CCDC63: variants seen among roughly 807,000 people sequenced by gnomAD.
CCDC63 encodes the protein coiled-coil domain-containing protein 63.
Under a neutral mutation model 63.6 loss-of-function variants are expected in CCDC63, and 54 were observed. That is an observed-to-expected ratio of 0.85 (90% CI 0.68 to 1.07). The LOEUF is 1.07. CCDC63 is among the 50% of genes least tolerant of loss of function. CCDC63 has a pLI of 0.00. For missense variants in CCDC63, 637 were observed against 689.6 expected, an observed-to-expected ratio of 0.92 and a Z score of 0.86; for synonymous variants, 253 against 266.1, an observed-to-expected ratio of 0.95 and a Z score of 0.48.
chr12:110,864,604 G>A (rs945205304), intron 4 of CCDC63, among the ~76,000 whole-genome samples: 2 of 151,836 alleles, frequency 1.3e-5, no homozygotes, highest in African/African-American at 4.8e-5. Context: ...CTACTTGGGA[G>A]GCTGAGGCAG....
rs1398229258 is a variant in CCDC63 at position 110,852,934 on chromosome 12, G to A, written c.-21G>A. 1 of 1,614,002 alleles carries A rather than the reference G, an allele frequency of 6.2e-7. No individual in the cohort carries two copies. Among genetic ancestry groups the A allele is most frequent in the Admixed American group, 1.7e-5 (1 of 59,990 alleles). ...CTCTGGGTACAGTGTCTGAGTGGAG[G>A]CAAAGTGCGGTTCCTTCAAGATGTC... On this transcript the variant is annotated 5_prime_UTR_variant, in exon 2 of 12. Coordinates refer to ENST00000308208, the MANE Select transcript of CCDC63 (RefSeq NM_152591.3).
intron 4 of CCDC63, among the ~76,000 whole-genome samples, chr12:110,862,809 G>A (rs2070875572): frequency 6.6e-6 from 1 of 151,180 alleles, no homozygotes; most frequent in Admixed American, 6.6e-5. Context: ...AGACTGGAGT[G>A]CAGTGGTGTG....
At chr12:110,867,267 A>G (rs1221562040) in intron 4 of CCDC63, among the ~76,000 whole-genome samples, 8 of 67,534 alleles carry the variant, frequency 1.2e-4, no homozygotes, top group South Asian at 6.4e-4. Flanking sequence ...CTGGCCGGGC[A>G]GAGGGGCTCC....
chr12:110,907,303 A>C lies in CCDC63; in HGVS notation c.1547-28A>C. Reference sequence around the variant, plus strand: ...CCAGCCCTGGGGTTGATTTCCCAGCACCTCACACAAATCTGATCTTGGTGC... The same window carrying C: ...CCAGCCCTGGGGTTGATTTCCCAGCCCCTCACACAAATCTGATCTTGGTGC... On this transcript the variant is annotated intron_variant, in intron 11 of 11. Transcript: ENST00000308208. The surrounding 1 kb of genome is among the most constrained non-coding windows in gnomAD (Gnocchi z 4.4). 6.2e-7 allele frequency: 1 copy of C among 1,606,692 alleles called. No homozygotes were observed. The highest frequency in any genetic ancestry group is 8.5e-7 in the Non-Finnish European group (1 of 1,176,206).
chr12:110,853,270 C>G (rs1237890494), intron 2 of CCDC63, 135 bp from the exon 3 acceptor site: 7 of 857,466 alleles, frequency 8.2e-6, no homozygotes, highest in African/African-American at 1.7e-5. Context: ...AAGCAGCTGA[C>G]ATCACCCAAG....
intron 4 of CCDC63, among the ~76,000 whole-genome samples, chr12:110,862,904 C>T (rs1310314821): frequency 4.6e-5 from 7 of 151,950 alleles, no homozygotes; most frequent in South Asian, 2.1e-4. Flanking sequence ...TACAGGCACC[C>T]GCCACCATGC....
chr12:110,882,640 G>A (rs540223596), intron 7 of CCDC63, among the ~76,000 whole-genome samples: 12 of 151,870 alleles, frequency 7.9e-5, no homozygotes, highest in African/African-American at 2.2e-4. Context: ...GGGGCTGGTC[G>A]TGTAGACACC....
At chr12:110,853,669 C>A in intron 3 of CCDC63, 95 bp downstream of exon 3, 4 of 1,395,520 alleles carry the variant, frequency 2.9e-6, no homozygotes, top group Non-Finnish European at 4.0e-6. Flanking sequence ...ACCCCTGGGG[C>A]AGGGAGCCAC....
At chr12:110,858,799 T>G in intron 4 of CCDC63, 24 bp downstream of exon 4, 2 of 1,603,302 alleles carry the variant, frequency 1.2e-6, no homozygotes, top group Non-Finnish European at 1.7e-6. Context: ...CTTAAAGGGT[T>G]AACCAGAACA....
chr12:110,894,935 G>T (rs1466444886), intron 9 of CCDC63, among the ~76,000 whole-genome samples: 1 of 152,180 alleles, frequency 6.6e-6, no homozygotes, highest in Non-Finnish European at 1.5e-5. Context: ...TGTTTGTTTA[G>T]ACGGAGTCTT....
intron 11 of CCDC63, among the ~76,000 whole-genome samples, chr12:110,905,726 G>A (rs1395097580): frequency 1.3e-5 from 2 of 148,786 alleles, no homozygotes; most frequent in Non-Finnish European, 3.0e-5. Flanking sequence ...TTGCACAATT[G>A]TCTGGGCATC....
rs188434304 is a variant in CCDC63 at position 110,853,174 on chromosome 12, A to C, written c.9+211A>C. Among the ~76,000 whole-genome samples the C allele has an allele frequency of 9.9e-4, 150 of 152,024 alleles. 1 individual carries two copies. Among genetic ancestry groups the C allele is most frequent in the African/African-American group, 3.5e-3 (145 of 41,488 alleles). On this transcript the variant is annotated intron_variant, in intron 2 of 11. Coordinates refer to ENST00000308208, the MANE Select transcript of CCDC63 (RefSeq NM_152591.3). ...GAGTTTGAACCCAGAACCCCAAAGAATACCCTCCCCTCACCACAGTATGCA... is the reference window on the plus strand; with the variant it reads ...GAGTTTGAACCCAGAACCCCAAAGACTACCCTCCCCTCACCACAGTATGCA...
intron 5 of CCDC63, among the ~76,000 whole-genome samples, chr12:110,876,892 A>AAG (rs1488537576): frequency 6.6e-6 from 1 of 151,340 alleles, no homozygotes; most frequent in African/African-American, 2.4e-5. Flanking sequence ...AAAAAAAAAA[A>AAG]AAATAGCTGA....
upstream of CCDC63, among the ~76,000 whole-genome samples, chr12:110,845,281 T>C (rs1221907977): frequency 1.3e-5 from 2 of 152,212 alleles, no homozygotes; most frequent in Non-Finnish European, 2.9e-5. Flanking sequence ...TGCATGGAGC[T>C]GAGTGCTGGA....
chr12:110,875,735 T>C (rs78073576), intron 5 of CCDC63, among the ~76,000 whole-genome samples: 67 of 152,322 alleles, frequency 4.4e-4, no homozygotes, highest in African/African-American at 1.4e-3. Flanking sequence ...GTCTGTTTTT[T>C]GTATCTCAAA....
At chr12:110,897,395 C>A (rs1177770788) in intron 9 of CCDC63, among the ~76,000 whole-genome samples, 2 of 151,708 alleles carry the variant, frequency 1.3e-5, no homozygotes, top group African/African-American at 2.4e-5. Context: ...CAAGACCAGT[C>A]TGGGCAACAC....
At chr12:110,857,634 ACT>A (rs71875983) in intron 3 of CCDC63, among the ~76,000 whole-genome samples, 2,682 of 152,036 alleles carry the variant, frequency 0.018, 32 homozygotes, top group Admixed American at 0.027. Flanking sequence ...ACTGCCAGAA[ACT>A]CAGCCTCTGT....
intron 4 of CCDC63, among the ~76,000 whole-genome samples, chr12:110,873,578 A>G (rs1260683512): frequency 6.6e-6 from 1 of 152,250 alleles, no homozygotes; most frequent in Non-Finnish European, 1.5e-5. Context: ...CACAGGTGAC[A>G]GCAAATCTCC....
At chr12:110,867,171 G>A (rs1458895614) in intron 4 of CCDC63, among the ~76,000 whole-genome samples, 6 of 140,304 alleles carry the variant, frequency 4.3e-5, no homozygotes, top group African/African-American at 1.3e-4. Flanking sequence ...GGCCGGGCGG[G>A]GGGCTGACAC....
Sources: gnomAD v4.1 joint callset for allele counts (sites outside exome capture counted in the v4.1 genomes callset) on GRCh38, gnomAD v4.1.1 for gene constraint, Gnocchi (gnomAD v3.1) non-coding constraint, MANE v1.5 for transcripts, NCBI Gene and HGNC (gene_info 2026-07-23, HGNC 2026-07-21) for gene names.